CFAP100: variants seen among roughly 807,000 people sequenced by gnomAD.
CFAP100 encodes cilia- and flagella-associated protein 100.
CFAP100 carries 70 observed loss-of-function variants against 81.5 expected under a neutral mutation model. The ratio of observed to expected loss-of-function variants is 0.86; its 90% confidence interval spans 0.71 to 1.05. CFAP100 has a LOEUF of 1.05. Ranked by LOEUF, CFAP100 falls within the 50% of genes least tolerant of loss-of-function variation. The pLI, the probability that CFAP100 is intolerant of heterozygous loss-of-function variation, is 0.00. For missense variants in CFAP100, 811 were observed against 776.5 expected, an observed-to-expected ratio of 1.04 and a Z score of -0.53; for synonymous variants, 341 against 314.8, an observed-to-expected ratio of 1.08 and a Z score of -0.88.
Position 126,420,097 on chromosome 3 carries a change from C to G in CFAP100, c.956-6C>G. ...GGCTCGGAAACTATTCCTCTGCTTT[C>G]TCCAGAGGGTCAGGGTACAAAGAAG... On this transcript the variant is annotated splice_polypyrimidine_tract_variant and splice_region_variant and intron_variant, in intron 10 of 16. Coordinates refer to ENST00000352312, the MANE Select transcript of CFAP100 (RefSeq NM_182628.3). 6.2e-7 allele frequency: 1 copy of G among 1,613,336 alleles called. No individual in the cohort carries two copies.
chr3:126,423,489 GC>G lies in CFAP100; in HGVS notation c.1135-3del. On this transcript the variant is annotated splice_region_variant and splice_polypyrimidine_tract_variant and intron_variant, in intron 12 of 16. Transcript: ENST00000352312. The stretch of plus-strand genomic sequence containing the variant: ...CAGTCCCTGCCAAAACCTGTGGGTT[GC>G]AGGAACCACAGCTGTACTTCACGGA... The G allele has an allele frequency of 6.2e-7, 1 of 1,613,968 alleles. No individual in the cohort carries two copies. The highest frequency in any genetic ancestry group is 8.5e-7 in the Non-Finnish European group (1 of 1,179,946).
rs745521193 is a variant in CFAP100 at position 126,398,439 on chromosome 3, T to C, written c.49+2390T>C. On this transcript the variant is annotated intron_variant, in intron 2 of 16. Transcript: ENST00000352312. ...GGTACAAGACTCCAGAAGGAGCAGG[T>C]TGGGAGAGGCTTGCCCCTGCTGAAG... 2.0e-5 allele frequency among the ~76,000 whole-genome samples: 3 copies of C among 152,162 alleles called. No homozygotes were observed. The East Asian group carries it at 5.8e-4, about 29-fold the overall frequency.
At chr3:126,401,450 T>C (rs2082981271) in intron 2 of CFAP100, among the ~76,000 whole-genome samples, 1 of 133,686 alleles carries the variant, frequency 7.5e-6, no homozygotes, top group Non-Finnish European at 1.6e-5. Context: ...TATAGTATTA[T>C]GTTACTGCAA....
chr3:126,418,865 C>A, intron 7 of CFAP100, 91 bp downstream of exon 7: 1 of 1,429,388 alleles, frequency 7.0e-7, no homozygotes, highest in Non-Finnish European at 9.4e-7. Context: ...GCCTCTGCCC[C>A]CAGCCCCTGC....
At position 126,435,626 on chromosome 3, in the gene CFAP100, C is replaced by T. The variant is rs148478516; in HGVS notation, c.1696C>T (p.Arg566Cys). ...GGAGCATCTGCAGCGGGCCCGGGCG[C>T]GCGCCCAGGCTGAGATCAAGAAGAA... ...QEEHLQRARA[R>C]AQAEIKKKRG... is the part of the protein sequence containing the mutation. Residue 566 changes from arginine to cysteine, a missense_variant, in exon 16 of 17, where the codon CGC (arginine) becomes TGC (cysteine). Physicochemically the swap from Arg to Cys is radical, Grantham distance 180. Coordinates refer to ENST00000352312, the MANE Select transcript of CFAP100 (RefSeq NM_182628.3). 2.4e-5 allele frequency: 38 copies of T among 1,611,796 alleles called. No homozygotes were observed. Among genetic ancestry groups the T allele is most frequent in the Admixed American group, 1.2e-4 (7 of 59,898 alleles).
At chr3:126,427,444 GATAATA>G (rs375971056) in intron 13 of CFAP100, among the ~76,000 whole-genome samples, 7 of 152,152 alleles carry the variant, frequency 4.6e-5, no homozygotes, top group South Asian at 2.1e-4. Flanking sequence ...AGAACTTCAA[GATAATA>G]ATAATATAGT....
At position 126,420,145 on chromosome 3, in the gene CFAP100, T is replaced by G. The variant is rs113527043; in HGVS notation, c.998T>G (p.Met333Arg). Reference sequence around the variant, plus strand: ...AAGCCCTGGAGGTTTCTGCAGACGATGCGGCTGGGGCGGAGCCCGTCTTAC... The same window carrying G: ...AAGCCCTGGAGGTTTCTGCAGACGAGGCGGCTGGGGCGGAGCCCGTCTTAC... ...TKKPWRFLQT[M>R]RLGRSPSYLS... Residue 333 changes from methionine (M) to arginine (R), a missense_variant, in exon 11 of 17, where the codon ATG becomes AGG. Coordinates refer to ENST00000352312, the MANE Select transcript of CFAP100 (RefSeq NM_182628.3). 1.2e-6 allele frequency: 2 copies of G among 1,613,156 alleles called. No individual in the cohort carries two copies. The highest frequency in any genetic ancestry group is 1.7e-6 in the Non-Finnish European group (2 of 1,180,032).
At chr3:126,434,426 C>A in intron 15 of CFAP100, 45 bp downstream of exon 15, 1 of 1,577,028 alleles carries the variant, frequency 6.3e-7, no homozygotes. Context: ...CCTGGCTGGC[C>A]CTGAGGGCAG....
At chr3:126,417,567 C>T (rs565233805) in intron 5 of CFAP100, among the ~76,000 whole-genome samples, 2 of 152,284 alleles carry the variant, frequency 1.3e-5, no homozygotes, top group East Asian at 3.9e-4. Context: ...GGGGAGACAG[C>T]ATGGCCTGTT....
At chr3:126,426,578 C>T (rs150818347) in intron 13 of CFAP100, among the ~76,000 whole-genome samples, 2,057 of 152,152 alleles carry the variant, frequency 0.014, 34 homozygotes, top group African/African-American at 0.047. Flanking sequence ...GGTAAAACCC[C>T]GTCTCTACTA....
Position 126,423,396 on chromosome 3 carries a change from G to A in CFAP100, c.1134+20G>A. 1 of 1,612,202 alleles carries A rather than the reference G, an allele frequency of 6.2e-7. No individual in the cohort carries two copies. The highest frequency in any genetic ancestry group is 8.5e-7 in the Non-Finnish European group (1 of 1,178,958). ...GGGGAGGTGAATGGCCCAGTGCTGG[G>A]CTGGAATTCGGAAGTCGCCCCTCTC... is the stretch of plus-strand genomic sequence containing the variant. On this transcript the variant is annotated intron_variant, in intron 12 of 16. Coordinates refer to ENST00000352312, the MANE Select transcript of CFAP100 (RefSeq NM_182628.3).
Position 126,436,446 on chromosome 3 carries a change from G to C in CFAP100, c.*42G>C. ...CTGTTCTGGCTGAAGGCTTAGCAAA[G>C]ATGTTGGCAGAGGAAGCAGAGACTG... On this transcript the variant is annotated 3_prime_UTR_variant, in exon 17 of 17. Coordinates refer to ENST00000352312, the MANE Select transcript of CFAP100 (RefSeq NM_182628.3). 6.7e-7 allele frequency: 1 copy of C among 1,502,922 alleles called. No homozygotes were observed. 93.1% of individuals were successfully genotyped at this position (1,502,922 alleles called of 1,614,324 possible).
intron 11 of CFAP100, chr3:126,420,623 T>C (rs1022735126): frequency 5.2e-6 from 1 of 191,542 alleles, no homozygotes; most frequent in African/African-American, 2.4e-5. Flanking sequence ...TGGTTTGCAT[T>C]TGAAAGGTGA....
intron 11 of CFAP100, among the ~76,000 whole-genome samples, chr3:126,422,652 C>T (rs188991047): frequency 1.3e-5 from 2 of 152,312 alleles, no homozygotes; most frequent in Admixed American, 6.5e-5. Flanking sequence ...TGTTCCCAGC[C>T]CCTCTCCACT....
chr3:126,395,563 G>A (rs2082875299), intron 1 of CFAP100: 1 of 161,046 alleles, frequency 6.2e-6, no homozygotes, highest in Admixed American at 6.3e-5. Flanking sequence ...GAAAATAAAG[G>A]CCACATGGGG....
chr3:126,407,306 C>T (rs1168502842), intron 3 of CFAP100, 54 bp downstream of exon 3: 17 of 1,174,530 alleles, frequency 1.4e-5, no homozygotes, highest in Non-Finnish European at 1.9e-5. Flanking sequence ...CAACTCCTCT[C>T]CCTCTGCCCC....
intron 11 of CFAP100, among the ~76,000 whole-genome samples, chr3:126,422,065 G>T (rs2083340356): frequency 6.6e-6 from 1 of 152,204 alleles, no homozygotes; most frequent in African/African-American, 2.4e-5. Flanking sequence ...CCATCTATTT[G>T]CCAGGTGACC....
chr3:126,434,589 GAC>G (rs1301725088), intron 15 of CFAP100: 3 of 568,700 alleles, frequency 5.3e-6, no homozygotes, highest in Non-Finnish European at 9.4e-6. Context: ...TAGAGCAAAC[GAC>G]AGTGACTCGA....
rs2083238776 is a variant in CFAP100, at chr3:126,416,305, G to A, written c.226-11G>A. The A allele has an allele frequency of 6.4e-7, 1 of 1,574,570 alleles. No individual in the cohort carries two copies. Among genetic ancestry groups the A allele is most frequent in the East Asian group, 2.3e-5 (1 of 43,826 alleles). On this transcript the variant is annotated splice_polypyrimidine_tract_variant and intron_variant, in intron 4 of 16. Transcript: ENST00000352312. ...GCCTGGGCCCCGCCCGACTTGGCCC[G>A]ACGCCCCCAGGAACGGCAGCAGCAG...
Sources: gnomAD v4.1 joint callset for allele counts (sites outside exome capture counted in the v4.1 genomes callset) on GRCh38, gnomAD v4.1.1 for gene constraint, MANE v1.5 for transcripts, NCBI Gene and HGNC (gene_info 2026-07-23, HGNC 2026-07-21) for gene names.